The following DOCK4 variants were observed in gnomAD, a reference collection of about 807,000 sequenced individuals.
The protein encoded by DOCK4 is dedicator of cytokinesis 4, also known as dedicator of cytokinesis protein 4.
A neutral mutation model predicts 268.1 loss-of-function variants in DOCK4; 97 were observed. That is an observed-to-expected ratio of 0.36 (90% CI 0.31 to 0.43). The LOEUF is 0.43. Among genes scored for constraint, DOCK4 ranks in the 20% least tolerant of loss-of-function variants. DOCK4 has a pLI of 1.00. For synonymous variants in DOCK4, 954 were observed against 887.2 expected (o/e 1.08, Z -1.34); for missense variants, 2,145 against 2,455.7 (o/e 0.87, Z 2.67).
At chr7:112,170,927 C>T (rs1818033400) in intron 1 of DOCK4, among the ~76,000 whole-genome samples, 1 of 152,136 alleles carries the variant, frequency 6.6e-6, no homozygotes, top group Non-Finnish European at 1.5e-5. Flanking sequence ...ATAACCATTG[C>T]CATACATTTC....
chr7:112,178,822 G>A (rs190395797), intron 1 of DOCK4, among the ~76,000 whole-genome samples: 73 of 152,136 alleles, frequency 4.8e-4, no homozygotes, highest in African/African-American at 1.7e-3. Flanking sequence ...CGGAACTACC[G>A]ATGAGCTCAG....
At chr7:111,783,761 G>T in intron 34 of DOCK4, 96 bp downstream of exon 34, 2 of 1,086,392 alleles carry the variant, frequency 1.8e-6, no homozygotes, top group Non-Finnish European at 2.7e-6. Context: ...TCAATTGAGT[G>T]ATTCACAAGA....
At chr7:111,994,094 T>TTC in intron 5 of DOCK4, 41 bp downstream of exon 5, 1 of 1,361,752 alleles carries the variant, frequency 7.3e-7, no homozygotes, top group South Asian at 1.3e-5. Context: ...CTTAAAACAA[T>TTC]TCTTTACCCG....
chr7:111,788,694 A>G lies in DOCK4; in HGVS notation c.3369T>C (p.Gly1123=). The G allele has an allele frequency of 1.9e-6, 3 of 1,592,724 alleles. No individual in the cohort carries two copies. The highest frequency in any genetic ancestry group is 1.7e-6 in the Non-Finnish European group (2 of 1,168,248). ...TGAAGAGCTCGCGGTATGTTTCGTC[A>G]CCTTTGCCTTCTGACATCAGGCTAT... ...KLDSLMSEGK[G]DETYRELFNS... is the part of the protein sequence containing the mutation. Residue 1123 remains glycine, a synonymous_variant, in exon 32 of 53, where the codon GGT becomes GGC. Transcript: ENST00000428084.
intron 8 of DOCK4, among the ~76,000 whole-genome samples, chr7:111,960,147 C>T (rs547564523): frequency 2.0e-5 from 3 of 151,950 alleles, no homozygotes; most frequent in East Asian, 1.9e-4. Context: ...GGGAGGATCA[C>T]GAGGTCAGGA....
intron 26 of DOCK4, among the ~76,000 whole-genome samples, chr7:111,832,490 G>A (rs372243763): frequency 1.5e-4 from 23 of 152,228 alleles, no homozygotes; most frequent in African/African-American, 4.3e-4. Flanking sequence ...GGCAGATGAA[G>A]TAATTAATAT....
chr7:111,737,609 T>C (rs1281287584), intron 49 of DOCK4, among the ~76,000 whole-genome samples: 1 of 152,242 alleles, frequency 6.6e-6, no homozygotes, highest in Non-Finnish European at 1.5e-5. Flanking sequence ...TTTTAACTTA[T>C]AAAAATGCCA....
At chr7:112,040,529 A>C (rs1672505552) in intron 1 of DOCK4, among the ~76,000 whole-genome samples, 1 of 152,208 alleles carries the variant, frequency 6.6e-6, no homozygotes, top group South Asian at 2.1e-4. Context: ...CAGACATTTC[A>C]ATAAATAACA....
intron 51 of DOCK4, among the ~76,000 whole-genome samples, chr7:111,734,430 A>T (rs1391898269): frequency 6.6e-6 from 1 of 152,034 alleles, no homozygotes; most frequent in Non-Finnish European, 1.5e-5. Context: ...CAAGTGATCC[A>T]CTCACCTTGG....
At chr7:112,179,373 C>T in intron 1 of DOCK4, among the ~76,000 whole-genome samples, 1 of 45,914 alleles carries the variant, frequency 2.2e-5, no homozygotes, top group East Asian at 6.9e-4. Flanking sequence ...GAAACAGGGC[C>T]TGTACCTTAA....
intron 1 of DOCK4, among the ~76,000 whole-genome samples, chr7:112,033,098 A>T (rs73210918): frequency 0.16 from 24,186 of 152,146 alleles, 2,600 homozygotes; most frequent in Non-Finnish European, 0.24. Context: ...TAAAATTTCC[A>T]ATTTTTATAC....
Position 112,200,739 on chromosome 7 carries a change from C to CAA in DOCK4, c.37+5361_37+5362dup, listed in dbSNP as rs71689051. On this transcript the variant is annotated intron_variant, in intron 1 of 52. Transcript: ENST00000428084. ...AGCCTCTAAAATAAAAAAAAAAAAA[C>CAA]AAAAAAAAACAAGATCATAGAGGAA... Among the ~76,000 whole-genome samples the CAA allele has an allele frequency of 1.9e-3, 239 of 129,066 alleles. 7 individuals are homozygous for CAA. The highest frequency in any genetic ancestry group is 5.9e-3 in the African/African-American group (215 of 36,238). 84.7% of individuals were successfully genotyped at this position (129,066 alleles called of 152,430 possible).
chr7:111,767,202 A>G, intron 37 of DOCK4, 84 bp from the exon 38 acceptor site: 6 of 1,072,520 alleles, frequency 5.6e-6, no homozygotes, highest in Non-Finnish European at 8.5e-6. Flanking sequence ...GAGTGCTTTC[A>G]GAGCACCAAG....
At position 111,755,617 on chromosome 7, in the gene DOCK4, C is replaced by T. The variant is rs760459576; in HGVS notation, c.4330-16G>A. The T allele has an allele frequency of 1.8e-4, 283 of 1,612,406 alleles. 1 individual carries two copies. Among genetic ancestry groups the T allele is most frequent in the Non-Finnish European group, 2.2e-4 (262 of 1,178,770 alleles). On this transcript the variant is annotated splice_polypyrimidine_tract_variant and intron_variant, in intron 41 of 52. Coordinates refer to ENST00000428084, the MANE Select transcript of DOCK4 (RefSeq NM_001363540.2). ...CCCAGAGACTCTACAAAACACAAAACACATTAAGTCTCCCAAGTTGCCCTT... is the reference window on the plus strand; with the variant it reads ...CCCAGAGACTCTACAAAACACAAAATACATTAAGTCTCCCAAGTTGCCCTT...
chr7:111,931,106 T>C (rs761114059), intron 12 of DOCK4, among the ~76,000 whole-genome samples: 2 of 151,584 alleles, frequency 1.3e-5, no homozygotes, highest in Non-Finnish European at 2.9e-5. Flanking sequence ...GAGAGAAGGG[T>C]AGAGAAGGGC....
At chr7:112,081,013 A>C (rs998908076) in intron 1 of DOCK4, among the ~76,000 whole-genome samples, 1 of 152,192 alleles carries the variant, frequency 6.6e-6, no homozygotes, top group African/African-American at 2.4e-5. Context: ...ACAACTGTCG[A>C]GGTACATTTC....
rs1799976160 is a variant in DOCK4, at chr7:111,797,397, TA to T, written c.3167-6793del. Among the ~76,000 whole-genome samples, 3 of 152,276 alleles carry T rather than the reference TA, an allele frequency of 2.0e-5. No homozygotes were observed. The South Asian group carries it at 6.2e-4, about 32-fold the overall frequency. On this transcript the variant is annotated intron_variant, in intron 30 of 52. Transcript: ENST00000428084. Reference sequence around the variant, plus strand: ...TAGGCTGATTTTCCGAAGACCCTAATAGGTATATAGAAGTTTTCCAAAATTT... The same window carrying T: ...TAGGCTGATTTTCCGAAGACCCTAATGGTATATAGAAGTTTTCCAAAATTT...
intron 26 of DOCK4, among the ~76,000 whole-genome samples, chr7:111,827,230 T>C (rs1802474012): frequency 6.6e-6 from 1 of 152,240 alleles, no homozygotes; most frequent in South Asian, 2.1e-4. Context: ...AATCTTTAAG[T>C]ATCTTACGCA....
chr7:111,849,461 C>T (rs564524154), intron 23 of DOCK4, among the ~76,000 whole-genome samples: 2 of 152,162 alleles, frequency 1.3e-5, no homozygotes, highest in African/African-American at 2.4e-5. Flanking sequence ...CAGGGTTTTA[C>T]CATGTTGGCC....
Sources: allele counts gnomAD v4.1 joint callset (sites outside exome capture counted in the v4.1 genomes callset), GRCh38; gene constraint gnomAD v4.1.1; transcripts MANE v1.5; gene names NCBI Gene and HGNC (gene_info 2026-07-23, HGNC 2026-07-21).